The following ATP2B3 variants were observed in gnomAD, a reference collection of about 807,000 sequenced individuals.
ATP2B3 encodes the protein ATPase plasma membrane Ca2+ transporting 3.
A neutral mutation model predicts 70.8 loss-of-function variants in ATP2B3; 12 were observed. The ratio of observed to expected loss-of-function variants is 0.17; its 90% CI spans 0.11 to 0.27. The LOEUF (loss-of-function observed/expected upper bound fraction) is 0.27, where lower values mean the gene tolerates loss of function less well. ATP2B3 is among the 10% of genes least tolerant of loss of function. The pLI, the probability that ATP2B3 is intolerant of heterozygous loss-of-function variation, is 1.00. For synonymous variants in ATP2B3, 460 were observed against 497.8 expected (o/e 0.92, Z 1.01); for missense variants, 858 against 1,118.5 (o/e 0.77, Z 3.32).
intron 21 of ATP2B3, among the ~76,000 whole-genome samples, chrX:153,567,389 G>A (rs782670939): frequency 2.0e-4 from 23 of 113,417 alleles, no homozygotes; most frequent in Non-Finnish European, 3.4e-4. Context: ...CCCCCAGATG[G>A]GCTCTTATCT....
chrX:153,563,136 C>CTTTTTTTTTTT (rs36131654), intron 20 of ATP2B3, among the ~76,000 whole-genome samples: 8 of 48,788 alleles, frequency 1.6e-4, no homozygotes, highest in East Asian at 8.3e-4. Context: ...CTGGCTTTTC[C>CTTTTTTTTTTT]TTTTTTTTTT....
chrX:153,557,311 C>T (rs2090553932), intron 16 of ATP2B3, among the ~76,000 whole-genome samples: 1 of 111,894 alleles, frequency 8.9e-6, no homozygotes, highest in African/African-American at 3.3e-5. Context: ...ATGGCATTGC[C>T]CACCCCCGTC....
chrX:153,522,589 C>T (rs2089973876), intron 2 of ATP2B3, among the ~76,000 whole-genome samples: 1 of 112,296 alleles, frequency 8.9e-6, no homozygotes, highest in South Asian at 3.7e-4. Context: ...CTCACACGGA[C>T]CTAGACACCC....
chrX:153,530,885 T>A (rs371447875), intron 2 of ATP2B3, among the ~76,000 whole-genome samples: 2 of 112,327 alleles, frequency 1.8e-5, no homozygotes, highest in East Asian at 5.6e-4. Flanking sequence ...TCTTTTCCCA[T>A]CCTCCTCCCT....
intron 3 of ATP2B3, among the ~76,000 whole-genome samples, chrX:153,540,434 TG>T (rs2090263531): frequency 8.9e-6 from 1 of 112,231 alleles, no homozygotes; most frequent in South Asian, 3.8e-4. Context: ...TCTTCTTCTT[TG>T]GGTCTCTGGA....
intron 21 of ATP2B3, among the ~76,000 whole-genome samples, chrX:153,578,762 C>T (rs1480895949): frequency 1.8e-5 from 2 of 112,088 alleles, no homozygotes; most frequent in Non-Finnish European, 3.8e-5. Context: ...CAACACAGAG[C>T]GGAGCCCGGG....
In ATP2B3 at chrX:153,548,568, C is replaced by T; in HGVS notation, c.1124-72C>T. The T allele has an allele frequency of 6.2e-6, 6 of 960,168 alleles. No homozygotes were observed. In the Admixed American group the frequency reaches 1.2e-4, roughly 18 times the overall value. 79.1% of individuals were successfully genotyped at this position (960,168 alleles called of 1,213,427 possible). A position where few individuals can be genotyped will look rare whatever the true frequency, so the allele number is the denominator to read the frequency against. On this transcript the variant is annotated intron_variant, in intron 9 of 21. Transcript: ENST00000263519. ...CTCCGAGACCGTGTCCATACCTCTT[C>T]TTCCCTCTTCCTGTCCCCCTCCTTC...
chrX:153,579,873 CTCCT>C, intron 21 of ATP2B3, 101 bp from the exon 22 acceptor site: 15 of 688,687 alleles, frequency 2.2e-5, no homozygotes, highest in South Asian at 2.7e-5. Flanking sequence ...CACTGACTGT[CTCCT>C]TCCTTCCTTC....
chrX:153,575,799 G>GA (rs781845551), intron 21 of ATP2B3, among the ~76,000 whole-genome samples: 1 of 112,224 alleles, frequency 8.9e-6, no homozygotes, highest in African/African-American at 3.2e-5. Context: ...GGGTGTCAGG[G>GA]ATGGGAGAGG....
chrX:153,543,969 A>C (rs1335512648), intron 7 of ATP2B3, among the ~76,000 whole-genome samples: 3 of 112,375 alleles, frequency 2.7e-5, no homozygotes, highest in Non-Finnish European at 3.8e-5. Flanking sequence ...TGGGGCGGGC[A>C]GTCAGGGCCC....
chrX:153,556,480 A>C, intron 15 of ATP2B3, 62 bp downstream of exon 15: 1 of 1,099,433 alleles, frequency 9.1e-7, no homozygotes, highest in Non-Finnish European at 1.2e-6. Context: ...GCTTCCTGAC[A>C]CCAAAAGCCA....
chrX:153,578,718 C>A (rs1557021915), intron 21 of ATP2B3, among the ~76,000 whole-genome samples: 1 of 112,434 alleles, frequency 8.9e-6, no homozygotes, highest in Non-Finnish European at 1.9e-5. Flanking sequence ...GATCTGAGGT[C>A]TGCAAACTCC....
At chrX:153,527,168 C>G (rs1284983205) in intron 2 of ATP2B3, among the ~76,000 whole-genome samples, 1 of 112,860 alleles carries the variant, frequency 8.9e-6, no homozygotes, top group Admixed American at 9.2e-5. Flanking sequence ...GGACGGGCAC[C>G]GAGGTACCAC....
intron 20 of ATP2B3, among the ~76,000 whole-genome samples, chrX:153,562,770 T>A (rs905340472): frequency 6.2e-5 from 7 of 112,372 alleles, no homozygotes; most frequent in African/African-American, 2.3e-4. Flanking sequence ...TCTGTCTTCA[T>A]CAGCTCCGAC....
At chrX:153,542,256 G>T in intron 5 of ATP2B3, 67 bp from the exon 6 acceptor site, 24 of 1,192,679 alleles carry the variant, frequency 2.0e-5, no homozygotes, top group Non-Finnish European at 2.6e-5. Context: ...GGCACCTGAC[G>T]GGACCTCCCC....
At chrX:153,564,428 G>A (rs1367115991) in intron 20 of ATP2B3, among the ~76,000 whole-genome samples, 2 of 112,649 alleles carry the variant, frequency 1.8e-5, no homozygotes, top group Admixed American at 9.3e-5. Flanking sequence ...TACGGGGCAC[G>A]GTCCCCAGCC....
In ATP2B3 at chrX:153,558,318, C is replaced by T. The variant is rs1557014847; in HGVS notation, c.2625+15C>T. 1.7e-6 allele frequency: 2 copies of T among 1,188,844 alleles called. No homozygotes were observed. Among genetic ancestry groups the T allele is most frequent in the African/African-American group, 3.5e-5 (2 of 56,876 alleles). On this transcript the variant is annotated intron_variant, in intron 17 of 21. Coordinates refer to ENST00000263519, the MANE Select transcript of ATP2B3 (RefSeq NM_001001344.3). ...GCATTACTCAGGTGGGTACTGGGGGCTGCCATGCCCCAGCTAGGACACCTG... is the reference window on the plus strand; with the variant it reads ...GCATTACTCAGGTGGGTACTGGGGGTTGCCATGCCCCAGCTAGGACACCTG...
chrX:153,525,724 G>A (rs1315178874), intron 2 of ATP2B3, among the ~76,000 whole-genome samples: 1 of 112,580 alleles, frequency 8.9e-6, no homozygotes, highest in Non-Finnish European at 1.9e-5. Flanking sequence ...AGAAGAGGGA[G>A]GGCTGTGGAC....
intron 5 of ATP2B3, 52 bp from the exon 6 acceptor site, chrX:153,542,271 G>A: frequency 8.3e-7 from 1 of 1,202,193 alleles, no homozygotes; most frequent in Non-Finnish European, 1.1e-6. Context: ...CTCCCCTGGG[G>A]CAGCCGGGAG....
Sources: gnomAD v4.1 joint callset for allele counts (sites outside exome capture counted in the v4.1 genomes callset) on GRCh38, gnomAD v4.1.1 for gene constraint, MANE v1.5 for transcripts, NCBI Gene and HGNC (gene_info 2026-07-23, HGNC 2026-07-21) for gene names.